UBAP2L: variants seen among roughly 807,000 people sequenced by gnomAD.
The protein encoded by UBAP2L is ubiquitin associated protein 2 like.
Under a neutral mutation model 130.6 loss-of-function variants are expected in UBAP2L, and 12 were observed. The ratio of observed to expected loss-of-function variants is 0.09; its 90% CI spans 0.06 to 0.15. The LOEUF is 0.15. Ranked by LOEUF, UBAP2L falls within the 10% of genes least tolerant of loss-of-function variation. The probability of loss-of-function intolerance (pLI) is 1.00; values close to 1 mark genes in which losing one functional copy is unlikely to be tolerated. For missense variants in UBAP2L, 965 were observed against 1,332.5 expected, an observed-to-expected ratio of 0.72 and a Z score of 4.29; for synonymous variants, 503 against 524.7, an observed-to-expected ratio of 0.96 and a Z score of 0.57.
chr1:154,248,460 G>A (rs1676349997), intron 11 of UBAP2L, among the ~76,000 whole-genome samples: 1 of 152,028 alleles, frequency 6.6e-6, no homozygotes, highest in Non-Finnish European at 1.5e-5. Flanking sequence ...AATGAGAAGG[G>A]CAAGGACCTT....
At chr1:154,243,469 T>G (rs1430927520) in intron 10 of UBAP2L, among the ~76,000 whole-genome samples, 167 bp downstream of exon 10, 6 of 152,152 alleles carry the variant, frequency 3.9e-5, no homozygotes, top group South Asian at 2.1e-4. Context: ...TTCTTTTTTT[T>G]TTTGTTTTTG....
At chr1:154,259,167 G>T in intron 21 of UBAP2L, 137 bp downstream of exon 21, 1 of 745,082 alleles carries the variant, frequency 1.3e-6, no homozygotes, top group Non-Finnish European at 2.2e-6. Flanking sequence ...TAGAATATAG[G>T]GATTTGGGGG....
intron 24 of UBAP2L, among the ~76,000 whole-genome samples, chr1:154,264,128 C>T: frequency 6.6e-6 from 1 of 152,206 alleles, no homozygotes; most frequent in South Asian, 2.1e-4. Context: ...AATTCCCTCC[C>T]AGTCCAGCTA....
chr1:154,251,338 G>C lies in UBAP2L; in HGVS notation c.1491+20G>C. The C allele has an allele frequency of 6.3e-7, 1 of 1,599,194 alleles. No homozygotes were observed. The highest frequency in any genetic ancestry group is 8.5e-7 in the Non-Finnish European group (1 of 1,173,488). On this transcript the variant is annotated intron_variant, in intron 13 of 26. Coordinates refer to ENST00000428931, the MANE Select transcript of UBAP2L (RefSeq NM_014847.4). ...TCTAAGGTACTTAAACTTTTAGGTA[G>C]ATACCATTTTATGGCAAGGGGTGTG... is the stretch of plus-strand genomic sequence containing the variant.
intron 18 of UBAP2L, 81 bp downstream of exon 18, chr1:154,255,836 A>G: frequency 1.9e-6 from 3 of 1,544,318 alleles, no homozygotes; most frequent in Non-Finnish European, 2.7e-6. Context: ...AGAGAGAATT[A>G]TTGAAAATTT....
At chr1:154,261,324 G>A (rs763243994) in intron 23 of UBAP2L, among the ~76,000 whole-genome samples, 1 of 152,154 alleles carries the variant, frequency 6.6e-6, no homozygotes, top group Non-Finnish European at 1.5e-5. Flanking sequence ...TTGCCAAAGG[G>A]AGAATATGAT....
chr1:154,232,533 G>C (rs1355427821), intron 4 of UBAP2L, among the ~76,000 whole-genome samples: 1 of 152,048 alleles, frequency 6.6e-6, no homozygotes, highest in African/African-American at 2.4e-5. Context: ...TTGCAGTTAG[G>C]AATGTATCAT....
intron 25 of UBAP2L, among the ~76,000 whole-genome samples, chr1:154,267,880 C>CTTTTTTTTTGTTTTTTTTTTTTTTTTT (rs1683770848): frequency 1.9e-5 from 1 of 52,056 alleles, no homozygotes; most frequent in Non-Finnish European, 3.6e-5. Flanking sequence ...CTTATTTGGT[C>CTTTTTTTTTGTTTTTTTTTTTTTTTTT]TTTTTTTTTT....
In UBAP2L at chr1:154,255,200, T is replaced by A. The variant is rs763140214; in HGVS notation, c.1958T>A (p.Ile653Asn). The change falls in exon 17 of 27, where the codon ATC becomes AAC. Residue 653 changes from isoleucine to asparagine, a missense_variant. Around this residue, in one of 9 missense-constraint regions of UBAP2L, gnomAD observed 393 missense variants for 408.1 expected, o/e 0.96. Transcript: ENST00000428931. Reference sequence around the variant, plus strand: ...TCTGATTCACCTTCCACTTCTAGCATCCCCCCTCTCAATGAAACGGTATCT... The same window carrying A: ...TCTGATTCACCTTCCACTTCTAGCAACCCCCCTCTCAATGAAACGGTATCT... ...VKSDSPSTSS[I>N]PPLNETVSAA... 1.1e-5 allele frequency: 17 copies of A among 1,613,962 alleles called. No homozygotes were observed.
chr1:154,236,999 G>A (rs940486284), intron 7 of UBAP2L, 25 bp from the exon 8 acceptor site: 7 of 1,584,488 alleles, frequency 4.4e-6, no homozygotes, highest in African/African-American at 1.3e-5. Context: ...AGAGGTCAGA[G>A]ACTCTTAAGT....
intron 10 of UBAP2L, 102 bp from the exon 11 acceptor site, chr1:154,246,102 G>A: frequency 7.7e-7 from 1 of 1,301,582 alleles, no homozygotes; most frequent in Non-Finnish European, 1.0e-6. Context: ...TTTAGAAGAA[G>A]CCCCAGCAAG....
intron 26 of UBAP2L, 163 bp downstream of exon 26, chr1:154,269,117 C>G: frequency 1.0e-6 from 1 of 976,504 alleles, no homozygotes; most frequent in East Asian, 2.6e-5. Context: ...GCGCACATAA[C>G]ACGAGCGGCC....
At chr1:154,250,173 C>G (rs1677044085) in intron 12 of UBAP2L, among the ~76,000 whole-genome samples, 2 of 152,172 alleles carry the variant, frequency 1.3e-5, no homozygotes, top group South Asian at 4.1e-4. Context: ...GTCCTCCCAC[C>G]TGAGCCTCCT....
chr1:154,227,142 C>T (rs1242565803), intron 2 of UBAP2L, 140 bp from the exon 3 acceptor site: 13 of 675,150 alleles, frequency 1.9e-5, no homozygotes, highest in Non-Finnish European at 2.3e-5. Flanking sequence ...CCCCATTAAG[C>T]GTCCTAAATG....
Position 154,251,597 on chromosome 1 carries a change from C to A in UBAP2L, c.1608C>A (p.Pro536=), listed in dbSNP as rs370970898. The A allele has an allele frequency of 1.6e-5, 26 of 1,613,972 alleles. No homozygotes were observed. Among genetic ancestry groups the A allele is most frequent in the Non-Finnish European group, 1.9e-5 (22 of 1,180,028 alleles). ...TCCTTTCTGATTATGAGTCCACCCC[C>A]ACCACGAGCGCCTCTTCAAGCCAGG... ...EPVLSDYEST[P]TTSASSSQAP... Residue 536 remains proline (P), a synonymous_variant, in exon 14 of 27, where the codon CCC becomes CCA. Coordinates refer to ENST00000428931, the MANE Select transcript of UBAP2L (RefSeq NM_014847.4).
intron 2 of UBAP2L, among the ~76,000 whole-genome samples, chr1:154,226,564 A>G (rs984808389): frequency 5.9e-5 from 9 of 152,204 alleles, no homozygotes; most frequent in Non-Finnish European, 8.8e-5. Context: ...CTGAACATAC[A>G]CTGGATATAT....
chr1:154,265,314 C>G (rs746425597), intron 24 of UBAP2L, among the ~76,000 whole-genome samples: 12 of 152,230 alleles, frequency 7.9e-5, no homozygotes, highest in Non-Finnish European at 4.4e-5. Context: ...TTTGGCCACT[C>G]TAGTACACTG....
chr1:154,220,424 G>T, upstream of UBAP2L: 1 of 1,614,148 alleles, frequency 6.2e-7, no homozygotes, highest in African/African-American at 1.3e-5. Context: ...CCTACCTCGC[G>T]CAGAATTGTT....
At chr1:154,224,959 TA>T in intron 1 of UBAP2L, 124 bp from the exon 2 acceptor site, 1 of 606,944 alleles carries the variant, frequency 1.6e-6, no homozygotes, top group East Asian at 2.9e-5. Context: ...GTTGTAAGAA[TA>T]AATGAATCTT....
Sources: gnomAD v4.1 joint callset for allele counts (sites outside exome capture counted in the v4.1 genomes callset) on GRCh38, gnomAD v4.1.1 for gene constraint, gnomAD v4.1.1 regional missense constraint, MANE v1.5 for transcripts, NCBI Gene and HGNC (gene_info 2026-07-23, HGNC 2026-07-21) for gene names.